RAP1A: variants seen among roughly 807,000 people sequenced by gnomAD.
The protein encoded by RAP1A is RAP1A, member of RAS oncogene family.
A neutral mutation model predicts 26.4 loss-of-function variants in RAP1A; 6 were observed. The ratio of observed to expected loss-of-function variants is 0.23; its 90% CI spans 0.12 to 0.45. The LOEUF (loss-of-function observed/expected upper bound fraction) is 0.45. Among genes scored for constraint, RAP1A ranks in the 20% least tolerant of loss-of-function variants. The pLI is 0.99. For missense variants in RAP1A, 121 were observed against 217.2 expected, an observed-to-expected ratio of 0.56 and a Z score of 2.78; for synonymous variants, 73 against 79.4, an observed-to-expected ratio of 0.92 and a Z score of 0.43.
intron 1 of RAP1A, among the ~76,000 whole-genome samples, chr1:111,656,409 G>A (rs1021884261): frequency 4.6e-5 from 7 of 151,982 alleles, no homozygotes; most frequent in African/African-American, 7.2e-5. Flanking sequence ...AACCCTTTTT[G>A]AAACCACATT....
intron 1 of RAP1A, among the ~76,000 whole-genome samples, chr1:111,670,086 A>G (rs1286806048): frequency 6.6e-6 from 1 of 152,118 alleles, no homozygotes; most frequent in East Asian, 1.9e-4. Context: ...TTTTGTTCTC[A>G]CTATTTGCAC....
chr1:111,555,866 G>C (rs1295638527), intron 1 of RAP1A, among the ~76,000 whole-genome samples: 1 of 151,914 alleles, frequency 6.6e-6, no homozygotes, highest in Non-Finnish European at 1.5e-5. Flanking sequence ...ACGATTTCTT[G>C]GATATGACAC....
At chr1:111,622,788 A>T (rs1001718272) in intron 1 of RAP1A, among the ~76,000 whole-genome samples, 2 of 152,188 alleles carry the variant, frequency 1.3e-5, no homozygotes, top group Non-Finnish European at 2.9e-5. Context: ...TAACTACAGG[A>T]TGCTAATTGT....
intron 7 of RAP1A, among the ~76,000 whole-genome samples, chr1:111,709,578 C>G (rs181184882): frequency 6.6e-6 from 1 of 152,198 alleles, no homozygotes; most frequent in East Asian, 1.9e-4. Context: ...CAAATTCATT[C>G]TTAATTGAAG....
chr1:111,671,775 G>A (rs1183509869), intron 1 of RAP1A, among the ~76,000 whole-genome samples: 2 of 152,136 alleles, frequency 1.3e-5, no homozygotes, highest in Non-Finnish European at 2.9e-5. Context: ...CGCCCTGCCA[G>A]CTCCAGTAAT....
At chr1:111,622,430 A>C (rs2101091149) in intron 1 of RAP1A, among the ~76,000 whole-genome samples, 1 of 152,304 alleles carries the variant, frequency 6.6e-6, no homozygotes, top group South Asian at 2.1e-4. Flanking sequence ...AGGTGTCTGC[A>C]CTTAATGTCC....
At chr1:111,704,157 T>C (rs548456840) in intron 5 of RAP1A, among the ~76,000 whole-genome samples, 186 bp from the exon 6 acceptor site, 1 of 152,120 alleles carries the variant, frequency 6.6e-6, no homozygotes, top group South Asian at 2.1e-4. Flanking sequence ...CATTTTTTTT[T>C]TTTTTTTGTC....
At chr1:111,554,825 C>G (rs1294878814) in intron 1 of RAP1A, among the ~76,000 whole-genome samples, 2 of 152,108 alleles carry the variant, frequency 1.3e-5, no homozygotes, top group Non-Finnish European at 2.9e-5. Flanking sequence ...TCTCTCTACT[C>G]AGGAATCTAA....
upstream of RAP1A, among the ~76,000 whole-genome samples, chr1:111,617,809 C>T (rs978955318): frequency 4.6e-5 from 7 of 151,174 alleles, no homozygotes; most frequent in South Asian, 2.1e-4. Flanking sequence ...TTTGGGAGGC[C>T]GAGGCGGGTG....
In RAP1A at chr1:111,619,854, GAGCCA is replaced by G. The variant is rs1283651068; in HGVS notation, c.-107_-103del. The G allele has an allele frequency of 7.6e-6, 3 of 396,784 alleles. No homozygotes were observed. The highest frequency in any genetic ancestry group is 6.2e-5 in the African/African-American group (3 of 48,306). The allele number at this position is 396,784 out of a possible 1,614,324, so 24.6% of individuals were successfully genotyped here. ...CTGTCGCCGCGCAGAGCCGGAGCAG[GAGCCA>G]CGGCCGAGAGGAGGGAGGAGGAGGA... On this transcript the variant is annotated 5_prime_UTR_variant, in exon 1 of 8. Coordinates refer to ENST00000369709, the MANE Select transcript of RAP1A (RefSeq NM_002884.4).
At chr1:111,553,019 G>A (rs537144588) in intron 1 of RAP1A, among the ~76,000 whole-genome samples, 1 of 152,336 alleles carries the variant, frequency 6.6e-6, no homozygotes, top group South Asian at 2.1e-4. Flanking sequence ...CTCCACTTTT[G>A]TGGAACTTAC....
intron 1 of RAP1A, among the ~76,000 whole-genome samples, chr1:111,567,962 T>C (rs1400391964): frequency 6.6e-6 from 1 of 152,204 alleles, no homozygotes; most frequent in Non-Finnish European, 1.5e-5. Flanking sequence ...TAAAGATCTT[T>C]AGACAAACAT....
At chr1:111,591,486 A>G (rs1035812543) in intron 1 of RAP1A, among the ~76,000 whole-genome samples, 2 of 152,170 alleles carry the variant, frequency 1.3e-5, no homozygotes, top group African/African-American at 4.8e-5. Flanking sequence ...TTCTCTGCGT[A>G]AGTTTTGGAA....
At chr1:111,551,464 C>T (rs1460414246) in intron 1 of RAP1A, among the ~76,000 whole-genome samples, 4 of 152,086 alleles carry the variant, frequency 2.6e-5, no homozygotes, top group Non-Finnish European at 5.9e-5. Flanking sequence ...TAATTTATAA[C>T]AATGTAATTA....
chr1:111,556,901 T>TTA (rs140554076), intron 1 of RAP1A, among the ~76,000 whole-genome samples: 50,099 of 148,146 alleles, frequency 0.34, 9,258 homozygotes, highest in Non-Finnish European at 0.43. Context: ...ACATTTTACA[T>TTA]TATATATATG....
At chr1:111,627,823 T>C (rs1332444501) in intron 1 of RAP1A, among the ~76,000 whole-genome samples, 1 of 151,914 alleles carries the variant, frequency 6.6e-6, no homozygotes, top group Non-Finnish European at 1.5e-5. Flanking sequence ...TTTATTAAAA[T>C]GACAAACATG....
chr1:111,625,203 A>G (rs1209210982), intron 1 of RAP1A, among the ~76,000 whole-genome samples: 2 of 152,208 alleles, frequency 1.3e-5, no homozygotes, highest in African/African-American at 4.8e-5. Flanking sequence ...TACGCCTATA[A>G]CATGTTACTC....
At chr1:111,663,419 A>G (rs573500876) in intron 1 of RAP1A, among the ~76,000 whole-genome samples, 1 of 152,296 alleles carries the variant, frequency 6.6e-6, no homozygotes, top group South Asian at 2.1e-4. Context: ...CTTGTCTTGC[A>G]TTACCTTTCC....
intron 1 of RAP1A, among the ~76,000 whole-genome samples, chr1:111,610,738 C>G (rs2101079694): frequency 6.6e-6 from 1 of 152,328 alleles, no homozygotes; most frequent in East Asian, 1.9e-4. Flanking sequence ...AAGCCCCAGG[C>G]TTTAATCTTC....
Sources: allele counts gnomAD v4.1 joint callset (sites outside exome capture counted in the v4.1 genomes callset), GRCh38; gene constraint gnomAD v4.1.1; transcripts MANE v1.5; gene names NCBI Gene and HGNC (gene_info 2026-07-23, HGNC 2026-07-21).